Variants in SNX5 observed in about 807,000 individuals in gnomAD.
SNX5 encodes sorting nexin 5, also known as sorting nexin-5.
Under a neutral mutation model 53.9 loss-of-function variants are expected in SNX5, and 31 were observed. The ratio of observed to expected loss-of-function variants is 0.58; its 90% CI spans 0.43 to 0.78. The LOEUF is 0.78. SNX5 is among the 30% of genes least tolerant of loss of function. SNX5 has a pLI of 0.00. For synonymous variants in SNX5, 168 were observed against 171.1 expected, an observed-to-expected ratio of 0.98 and a Z score of 0.14; for missense variants, 471 against 478.8, an observed-to-expected ratio of 0.98 and a Z score of 0.15.
intron 2 of SNX5, among the ~76,000 whole-genome samples, chr20:17,956,483 C>T (rs1225296729): frequency 6.6e-6 from 1 of 152,098 alleles, no homozygotes; most frequent in Non-Finnish European, 1.5e-5. Flanking sequence ...AATCCCAGCA[C>T]TTTGGGAAGC....
chr20:17,957,055 C>T lies in SNX5; in HGVS notation c.52-18G>A, dbSNP rs377065594. ...GATCTCAGCTGAAATACATTTTTTGCGTATTAGTTTCAAACTCATTTGGCC... is the reference window on the plus strand; with the variant it reads ...GATCTCAGCTGAAATACATTTTTTGTGTATTAGTTTCAAACTCATTTGGCC... On this transcript the variant is annotated intron_variant, in intron 1 of 12. Coordinates refer to ENST00000377759, the MANE Select transcript of SNX5 (RefSeq NM_014426.4). 25 of 1,428,988 alleles carry T rather than the reference C, an allele frequency of 1.7e-5. 1 individual carries two copies. Among genetic ancestry groups the T allele is most frequent in the Middle Eastern group, 3.5e-4 (2 of 5,740 alleles). The allele number at this position is 1,428,988 out of a possible 1,614,324, so 88.5% of individuals were successfully genotyped here. A position where few individuals can be genotyped will look rare whatever the true frequency, so the allele number is the denominator to read the frequency against.
Position 17,942,371 on chromosome 20 carries a change from A to C in SNX5, c.1201T>G (p.Phe401Val). Residue 401 changes from phenylalanine (F) to valine (V), a missense_variant, in exon 13 of 13, where the codon TTC becomes GTC. By Grantham distance (50) the Phe-to-Val change is conservative. Transcript: ENST00000377759. ...VSLLQSCIDL[F>V]KNN Reference sequence around the variant, plus strand: ...GTGAAGGCATATCAGTTATTCTTGAACAAGTCAATACAGCTCTGCAAAAGG... The same window carrying C: ...GTGAAGGCATATCAGTTATTCTTGACCAAGTCAATACAGCTCTGCAAAAGG... 1 of 1,609,880 alleles carries C rather than the reference A, an allele frequency of 6.2e-7. No individual in the cohort carries two copies. The highest frequency in any genetic ancestry group is 1.1e-5 in the South Asian group (1 of 91,004).
At chr20:17,968,142 A>G in intron 1 of SNX5, 1 of 400,946 alleles carries the variant, frequency 2.5e-6, no homozygotes, top group Non-Finnish European at 4.4e-6. Flanking sequence ...AGCTGGGGCT[A>G]AGGTCCCGCG....
At chr20:17,961,590 C>T in intron 1 of SNX5, 3 of 970,800 alleles carry the variant, frequency 3.1e-6, no homozygotes, top group Non-Finnish European at 1.2e-6. Context: ...ATTTGAATAT[C>T]CCACATAAAT....
intron 1 of SNX5, among the ~76,000 whole-genome samples, chr20:17,965,108 T>A (rs1170866457): frequency 2.0e-5 from 3 of 152,214 alleles, no homozygotes; most frequent in Non-Finnish European, 4.4e-5. Flanking sequence ...ACACAAAGAC[T>A]AGCTTCTGTA....
At chr20:17,948,742 C>A in intron 10 of SNX5, 148 bp downstream of exon 10, 1 of 656,834 alleles carries the variant, frequency 1.5e-6, no homozygotes, top group Admixed American at 2.7e-5. Context: ...GTCAGATACA[C>A]AAGCTTTATG....
Position 17,963,578 on chromosome 20 carries a change from A to G in SNX5, c.51+4797T>C, listed in dbSNP as rs151074343. Among the ~76,000 whole-genome samples, 344 of 152,290 alleles carry G rather than the reference A, an allele frequency of 2.3e-3. 2 individuals are homozygous for G. The highest frequency in any genetic ancestry group is 7.7e-3 in the African/African-American group (321 of 41,566). ...CCTCCCAAAAGTTCACTGGCATACC[A>G]TATCAAGTCAGCAAGCCCCCTTTTT... On this transcript the variant is annotated intron_variant, in intron 1 of 12. Transcript: ENST00000377759.
Position 17,945,953 on chromosome 20 carries a change from TG to T in SNX5, c.1078+1532del, listed in dbSNP as rs201266935. On this transcript the variant is annotated intron_variant, in intron 11 of 12. Coordinates refer to ENST00000377759, the MANE Select transcript of SNX5 (RefSeq NM_014426.4). Reference sequence around the variant, plus strand: ...TTCATGGAAACACGCGTTAGGGGGTTGGGATTGAGTCCAACAGTGCCCCACT... The same window carrying T: ...TTCATGGAAACACGCGTTAGGGGGTTGGATTGAGTCCAACAGTGCCCCACT... Among the ~76,000 whole-genome samples the T allele has an allele frequency of 9.6e-3, 1,461 of 152,318 alleles. 17 individuals carry two copies. Among genetic ancestry groups the T allele is most frequent in the African/African-American group, 0.033 (1,376 of 41,560 alleles).
chr20:17,957,492 T>C (rs1390552317), intron 1 of SNX5, among the ~76,000 whole-genome samples: 1 of 151,634 alleles, frequency 6.6e-6, no homozygotes, highest in Non-Finnish European at 1.5e-5. Context: ...AGTTGAGACA[T>C]TTCTAAGTTT....
At chr20:17,957,993 T>G in intron 1 of SNX5, among the ~76,000 whole-genome samples, 1 of 133,180 alleles carries the variant, frequency 7.5e-6, no homozygotes, top group African/African-American at 3.0e-5. Context: ...TAACTCCATT[T>G]CTGCCCGTCA....
At chr20:17,953,040 CTAAGTATACAGCA>C (rs2039591801) in intron 4 of SNX5, among the ~76,000 whole-genome samples, 2 of 152,158 alleles carry the variant, frequency 1.3e-5, no homozygotes, top group Non-Finnish European at 2.9e-5. Context: ...TAACTGCAGC[CTAAGTATACAGCA>C]TGAGTCTAAT....
rs3790297 is a variant in SNX5 at position 17,958,854 on chromosome 20, T to A, written c.52-1817A>T. ...CCTCAAATCATTAACTGAGATGTGA[T>A]TGCAGAGGCTATACCAACGACTCTA... On this transcript the variant is annotated intron_variant, in intron 1 of 12. Transcript: ENST00000377759. Among the ~76,000 whole-genome samples the A allele has an allele frequency of 4.8e-3, 726 of 152,320 alleles. 22 individuals carry two copies. In the East Asian group the frequency reaches 0.075, roughly 16 times the overall value.
intron 5 of SNX5, 32 bp from the exon 6 acceptor site, chr20:17,951,627 G>A (rs951417687): frequency 1.4e-6 from 2 of 1,426,690 alleles, no homozygotes; most frequent in East Asian, 2.3e-5. Flanking sequence ...GAGTTTATAT[G>A]GTATGGATTT....
chr20:17,948,439 T>C (rs1049108755), intron 10 of SNX5, among the ~76,000 whole-genome samples: 4 of 152,114 alleles, frequency 2.6e-5, no homozygotes, highest in African/African-American at 7.3e-5. Context: ...TACAATCCTA[T>C]CTAATTTTAT....
At chr20:17,945,772 C>T (rs780368880) in intron 11 of SNX5, among the ~76,000 whole-genome samples, 6 of 152,152 alleles carry the variant, frequency 3.9e-5, no homozygotes, top group Non-Finnish European at 8.8e-5. Context: ...GTATTATAAT[C>T]CTGAATAGAC....
intron 2 of SNX5, 131 bp from the exon 3 acceptor site, chr20:17,955,606 T>C (rs928075002): frequency 1.3e-5 from 8 of 608,726 alleles, no homozygotes; most frequent in Non-Finnish European, 2.1e-5. Context: ...AAAGCAGTTA[T>C]ACATGATCTC....
chr20:17,958,869 C>T (rs551315596), intron 1 of SNX5, among the ~76,000 whole-genome samples: 2 of 152,106 alleles, frequency 1.3e-5, no homozygotes, highest in African/African-American at 2.4e-5. Flanking sequence ...GAGGCTATAC[C>T]AACGACTCTA....
chr20:17,943,145 T>G lies in SNX5; in HGVS notation c.1129A>C (p.Ile377Leu). The G allele has an allele frequency of 6.2e-7, 1 of 1,610,052 alleles. No homozygotes were observed. The highest frequency in any genetic ancestry group is 8.5e-7 in the Non-Finnish European group (1 of 1,176,348). ...KRVAAFRKNL[I>L]EMSELEIKHA... Reference sequence around the variant, plus strand: ...TTTATTTCCAGTTCAGACATTTCAATTAGATTCTTTCTAAATGCTGCCACT... The same window carrying G: ...TTTATTTCCAGTTCAGACATTTCAAGTAGATTCTTTCTAAATGCTGCCACT... The change falls in exon 12 of 13, where the codon ATT (isoleucine) becomes CTT (leucine). Residue 377 changes from isoleucine (I) to leucine (L), a missense_variant. Physicochemically the swap from Ile to Leu is conservative, Grantham distance 5 (BLOSUM62 2). Coordinates refer to ENST00000377759, the MANE Select transcript of SNX5 (RefSeq NM_014426.4).
intron 4 of SNX5, among the ~76,000 whole-genome samples, chr20:17,952,936 G>A (rs1444582668): frequency 2.6e-5 from 4 of 152,224 alleles, no homozygotes; most frequent in Non-Finnish European, 4.4e-5. Context: ...AACTGGATTT[G>A]ATGGGTCAAG....
Sources: allele counts gnomAD v4.1 joint callset (sites outside exome capture counted in the v4.1 genomes callset), GRCh38; gene constraint gnomAD v4.1.1; transcripts MANE v1.5; gene names NCBI Gene and HGNC (gene_info 2026-07-23, HGNC 2026-07-21).